Variants in TOX3 observed in about 807,000 individuals in gnomAD.
TOX3 encodes the protein CAG trinucleotide repeat-containing gene F9 protein.
Under a neutral mutation model 64.3 loss-of-function variants are expected in TOX3, and 22 were observed. The observed-to-expected ratio is 0.34, with a 90% CI of 0.24 to 0.49. The LOEUF (loss-of-function observed/expected upper bound fraction) is 0.49, where lower values mean the gene tolerates loss of function less well. Among genes scored for constraint, TOX3 ranks in the 20% least tolerant of loss-of-function variants. The probability of loss-of-function intolerance (pLI) is 0.99; values close to 1 mark genes in which losing one functional copy is unlikely to be tolerated. For missense variants in TOX3, 661 were observed against 714.4 expected (o/e 0.93, Z 0.85); for synonymous variants, 291 against 273.6 (o/e 1.06, Z -0.63).
Position 52,477,865 on chromosome 16 carries a change from T to C in TOX3, c.88-9291A>G, listed in dbSNP as rs914836871. 2.0e-5 allele frequency among the ~76,000 whole-genome samples: 3 copies of C among 151,958 alleles called. 1 individual carries two copies. Among genetic ancestry groups the C allele is most frequent in the Admixed American group, 2.0e-4 (3 of 15,256 alleles). On this transcript the variant is annotated intron_variant, in intron 1 of 6. Transcript: ENST00000219746. ...TGTTTAATTTTTTTAAGAGACAGAG[T>C]CTTGCTCTGTTGCCCAGGATGGAGT...
rs561970889 is a variant in TOX3 at position 52,443,416 on chromosome 16, CA to C, written c.987+859del. On this transcript the variant is annotated intron_variant, in intron 6 of 6. Coordinates refer to ENST00000219746, the MANE Select transcript of TOX3 (RefSeq NM_001080430.4). ...CAGCTGCAAATGGTAGATCTTGATA[CA>C]AATACTTAATACAGATAATATAAAG... Among the ~76,000 whole-genome samples the C allele has an allele frequency of 1.6e-4, 24 of 151,986 alleles. No homozygotes were observed. The East Asian group carries it at 4.7e-3, about 29-fold the overall frequency.
chr16:52,446,983 G>A (rs1427785863), intron 4 of TOX3, among the ~76,000 whole-genome samples: 1 of 152,104 alleles, frequency 6.6e-6, no homozygotes, highest in East Asian at 1.9e-4. Context: ...TGTTATTTAT[G>A]GCAAGTAACC....
chr16:52,483,799 C>A (rs1259162941), intron 1 of TOX3, among the ~76,000 whole-genome samples: 1 of 105,960 alleles, frequency 9.4e-6, no homozygotes, highest in Non-Finnish European at 1.8e-5. Flanking sequence ...AAACTCCTGA[C>A]CTCAGTGATC....
rs60615310 is a variant in TOX3, at chr16:52,440,752, C to CTTTTTTTTTT, written c.988-794_988-785dup. 8.6e-4 allele frequency among the ~76,000 whole-genome samples: 57 copies of CTTTTTTTTTT among 66,610 alleles called. 1 individual carries two copies. The highest frequency in any genetic ancestry group is 0.012 in the Middle Eastern group (1 of 84). 43.7% of individuals were successfully genotyped at this position (66,610 alleles called of 152,430 possible). ...GGTTATATGGTATTTTTCTTTCTTT[C>CTTTTTTTTTT]TTTTTTTTTTTTTTTTTTTTTTTTT... On this transcript the variant is annotated intron_variant, in intron 6 of 6. Coordinates refer to ENST00000219746, the MANE Select transcript of TOX3 (RefSeq NM_001080430.4).
At chr16:52,457,002 A>G (rs1288684431) in intron 3 of TOX3, among the ~76,000 whole-genome samples, 1 of 152,222 alleles carries the variant, frequency 6.6e-6, no homozygotes, top group East Asian at 1.9e-4. Flanking sequence ...CTATGTTATA[A>G]TATCATGTTT....
At chr16:52,541,355 T>A (rs1963074805) in intron 1 of TOX3, among the ~76,000 whole-genome samples, 1 of 152,134 alleles carries the variant, frequency 6.6e-6, no homozygotes, top group South Asian at 2.1e-4. Flanking sequence ...CTCCTCTTAA[T>A]CAAAATCTTC....
Position 52,546,806 on chromosome 16 carries a change from CG to C in TOX3, c.-84del. The C allele has an allele frequency of 1.5e-6, 2 of 1,325,524 alleles. No homozygotes were observed. Among genetic ancestry groups the C allele is most frequent in the South Asian group, 2.0e-5 (1 of 50,414 alleles). The allele number at this position is 1,325,524 out of a possible 1,614,324, so 82.1% of individuals were successfully genotyped here. A position where few individuals can be genotyped will look rare whatever the true frequency, so the allele number is the denominator to read the frequency against. On this transcript the variant is annotated 5_prime_UTR_variant, in exon 1 of 7. Coordinates refer to ENST00000219746, the MANE Select transcript of TOX3 (RefSeq NM_001080430.4). ...GCCTCCTCGCCGCCGCTAGATCCAC[CG>C]TCGAGGGCGCCCGGGGGTGGCGCGT...
At chr16:52,526,753 T>C (rs562010468) in intron 1 of TOX3, among the ~76,000 whole-genome samples, 20 of 152,352 alleles carry the variant, frequency 1.3e-4, no homozygotes, top group African/African-American at 3.8e-4. Flanking sequence ...AGGTAGTCTT[T>C]GCGATTTTCT....
intron 1 of TOX3, 102 bp from the exon 2 acceptor site, chr16:52,468,676 A>T: frequency 1.1e-6 from 1 of 873,168 alleles, no homozygotes; most frequent in Non-Finnish European, 1.8e-6. Context: ...AGAGAGTTTT[A>T]TCAGCCCAAA....
chr16:52,531,839 T>G (rs1000014667), intron 1 of TOX3, among the ~76,000 whole-genome samples: 2 of 152,120 alleles, frequency 1.3e-5, no homozygotes, highest in Non-Finnish European at 2.9e-5. Context: ...GAGAGAGGCC[T>G]GGGCTAGGAT....
At chr16:52,478,425 C>T (rs1413973398) in intron 1 of TOX3, among the ~76,000 whole-genome samples, 1 of 152,220 alleles carries the variant, frequency 6.6e-6, no homozygotes, top group Admixed American at 6.5e-5. Flanking sequence ...CCCAGGTCAG[C>T]TTAGCTAAAA....
chr16:52,465,703 G>GA (rs923785044), intron 2 of TOX3, among the ~76,000 whole-genome samples: 18 of 151,338 alleles, frequency 1.2e-4, no homozygotes, highest in Non-Finnish European at 2.2e-4. Flanking sequence ...CCACTTGAGG[G>GA]AAAAGAAAAA....
intron 1 of TOX3, among the ~76,000 whole-genome samples, chr16:52,533,103 A>T (rs1349714541): frequency 6.6e-6 from 1 of 152,168 alleles, no homozygotes; most frequent in Non-Finnish European, 1.5e-5. Flanking sequence ...CTAGGTAAAG[A>T]TTACTTGTTT....
chr16:52,454,275 A>G (rs1192612463), intron 3 of TOX3, among the ~76,000 whole-genome samples: 1 of 152,160 alleles, frequency 6.6e-6, no homozygotes, highest in African/African-American at 2.4e-5. Flanking sequence ...GTGTGACAGT[A>G]TGGAAACCAC....
chr16:52,497,351 A>C (rs549047768), intron 1 of TOX3, among the ~76,000 whole-genome samples: 1 of 152,356 alleles, frequency 6.6e-6, no homozygotes, highest in African/African-American at 2.4e-5. Context: ...TATATGCTAC[A>C]GGGCTGACTG....
intron 1 of TOX3, among the ~76,000 whole-genome samples, chr16:52,491,611 G>C (rs1310681299): frequency 2.0e-5 from 3 of 152,238 alleles, no homozygotes; most frequent in South Asian, 4.1e-4. Flanking sequence ...GTAATTATTG[G>C]ACTGATCTGC....
At chr16:52,450,125 A>G (rs2151745674) in intron 4 of TOX3, among the ~76,000 whole-genome samples, 152 bp downstream of exon 4, 1 of 152,364 alleles carries the variant, frequency 6.6e-6, no homozygotes, top group South Asian at 2.1e-4. Flanking sequence ...AAAATAAATG[A>G]AAGAGTGAAG....
chr16:52,468,607 G>T, intron 1 of TOX3, 33 bp from the exon 2 acceptor site: 1 of 1,529,908 alleles, frequency 6.5e-7, no homozygotes, highest in Non-Finnish European at 9.0e-7. Context: ...ACGTTAATAT[G>T]CGGCATAATA....
intron 1 of TOX3, among the ~76,000 whole-genome samples, chr16:52,471,832 T>G (rs553054867): frequency 5.8e-4 from 88 of 152,310 alleles, no homozygotes; most frequent in African/African-American, 2.1e-3. Flanking sequence ...AAGATAATTA[T>G]CATCCCTATT....
Sources: gnomAD v4.1 joint callset for allele counts (sites outside exome capture counted in the v4.1 genomes callset) on GRCh38, gnomAD v4.1.1 for gene constraint, MANE v1.5 for transcripts, NCBI Gene and HGNC (gene_info 2026-07-23, HGNC 2026-07-21) for gene names.